Variants in ATP6V1B2 observed in about 807,000 individuals in gnomAD.
ATP6V1B2 encodes the protein V-type proton ATPase subunit B, brain isoform.
ATP6V1B2 carries 23 observed loss-of-function variants against 66.7 expected under a neutral mutation model. That is an observed-to-expected ratio of 0.34 (90% CI 0.25 to 0.49). The LOEUF (loss-of-function observed/expected upper bound fraction) is 0.49, where lower values mean the gene tolerates loss of function less well. Among genes scored for constraint, ATP6V1B2 ranks in the 20% least tolerant of loss-of-function variants. The probability of loss-of-function intolerance (pLI) is 0.99; values close to 1 mark genes in which losing one functional copy is unlikely to be tolerated. For missense variants in ATP6V1B2, 478 were observed against 650.8 expected, an observed-to-expected ratio of 0.73 and a Z score of 2.89; for synonymous variants, 278 against 236.7, an observed-to-expected ratio of 1.17 and a Z score of -1.60.
chr8:20,221,018 C>T lies in ATP6V1B2; in HGVS notation c.*616C>T, dbSNP rs749336842. On this transcript the variant is annotated 3_prime_UTR_variant, in exon 14 of 14. Transcript: ENST00000276390. ...ATTGGGATTCCTGTGTCTTACAGCT[C>T]TCCCTCTCCAAATAATACACAGAAT... 1 of 152,092 alleles carries T rather than the reference C, an allele frequency of 6.6e-6. No individual in the cohort carries two copies. Among genetic ancestry groups the T allele is most frequent in the Non-Finnish European group, 1.5e-5 (1 of 68,040 alleles). 9.4% of individuals were successfully genotyped at this position (152,092 alleles called of 1,614,324 possible).
At chr8:20,204,126 T>C in intron 1 of ATP6V1B2, 1 of 408,198 alleles carries the variant, frequency 2.4e-6, no homozygotes, top group South Asian at 1.9e-5. Flanking sequence ...CCACAAACCC[T>C]GTGCAGGCCA....
intron 1 of ATP6V1B2, among the ~76,000 whole-genome samples, chr8:20,203,547 C>CA (rs2072707582): frequency 6.6e-6 from 1 of 151,976 alleles, no homozygotes; most frequent in Non-Finnish European, 1.5e-5. Context: ...TAGACAGCTT[C>CA]ATGTTAATTA....
At position 20,197,659 on chromosome 8, in the gene ATP6V1B2, C is replaced by G. The variant is rs562965593; in HGVS notation, c.136+117C>G. 4.9e-6 allele frequency: 6 copies of G among 1,216,962 alleles called. No individual in the cohort carries two copies. In the African/African-American group the frequency reaches 6.3e-5, roughly 13 times the overall value. 75.4% of individuals were successfully genotyped at this position (1,216,962 alleles called of 1,614,324 possible). On this transcript the variant is annotated intron_variant, in intron 1 of 13. Transcript: ENST00000276390. ...GGATTTGTTTTTCCCTCCCGCGTCT[C>G]CCCTCCGACCCTGACCCACTTGTCT...
chr8:20,203,955 G>A (rs745443024), intron 1 of ATP6V1B2: 1 of 454,742 alleles, frequency 2.2e-6, no homozygotes, highest in South Asian at 1.6e-5. Context: ...TTTTTACCTT[G>A]CAGGCTATAC....
intron 1 of ATP6V1B2, among the ~76,000 whole-genome samples, chr8:20,197,941 C>G (rs1334689339): frequency 2.0e-5 from 3 of 152,224 alleles, no homozygotes; most frequent in Admixed American, 1.3e-4. Flanking sequence ...CTTCTCCCCT[C>G]CCCCTGGTGA....
chr8:20,207,814 G>C (rs1563807442), intron 2 of ATP6V1B2, among the ~76,000 whole-genome samples: 1 of 151,714 alleles, frequency 6.6e-6, no homozygotes, highest in Non-Finnish European at 1.5e-5. Flanking sequence ...ATTTGTACAA[G>C]GATTAATATA....
At chr8:20,217,825 G>T (rs1051831851) in intron 12 of ATP6V1B2, among the ~76,000 whole-genome samples, 5 of 151,988 alleles carry the variant, frequency 3.3e-5, no homozygotes, top group Non-Finnish European at 7.4e-5. Flanking sequence ...GATTTTTTTT[G>T]AATAGAACTT....
intron 2 of ATP6V1B2, among the ~76,000 whole-genome samples, chr8:20,205,828 T>C (rs2072733356): frequency 6.6e-6 from 1 of 152,208 alleles, no homozygotes; most frequent in Non-Finnish European, 1.5e-5. Context: ...TTCTCACTTA[T>C]AAACACAGAT....
chr8:20,212,387 A>G (rs1014448978), intron 8 of ATP6V1B2, among the ~76,000 whole-genome samples, 188 bp downstream of exon 8: 33 of 152,366 alleles, frequency 2.2e-4, no homozygotes, highest in African/African-American at 7.7e-4. Context: ...TCTGAAGCTC[A>G]TAAGATGTGA....
At chr8:20,202,015 C>T (rs2072692740) in intron 1 of ATP6V1B2, among the ~76,000 whole-genome samples, 1 of 152,164 alleles carries the variant, frequency 6.6e-6, no homozygotes. Flanking sequence ...ATGGATTCAT[C>T]CATTCATAAG....
intron 6 of ATP6V1B2, 126 bp downstream of exon 6, chr8:20,211,442 C>A: frequency 7.3e-7 from 1 of 1,372,620 alleles, no homozygotes; most frequent in South Asian, 1.5e-5. Context: ...TTGTATAATC[C>A]AGTTACCTCA....
chr8:20,217,181 A>G (rs1327897296), intron 11 of ATP6V1B2, 39 bp from the exon 12 acceptor site: 11 of 1,511,024 alleles, frequency 7.3e-6, no homozygotes, highest in Admixed American at 1.7e-5. Context: ...TGAGTTTTGT[A>G]CTTAAATATA....
intron 1 of ATP6V1B2, among the ~76,000 whole-genome samples, chr8:20,203,482 C>T (rs1318189196): frequency 6.6e-6 from 1 of 152,208 alleles, no homozygotes; most frequent in African/African-American, 2.4e-5. Context: ...AATCTCTGTG[C>T]AAGCTCATTA....
chr8:20,204,359 G>A (rs1031623814), intron 1 of ATP6V1B2, 125 bp from the exon 2 acceptor site: 7 of 756,566 alleles, frequency 9.3e-6, no homozygotes, highest in Admixed American at 8.9e-5. Context: ...AAATTTTGTA[G>A]CTATTTGAGT....
At chr8:20,208,884 A>G (rs1362298820) in intron 2 of ATP6V1B2, among the ~76,000 whole-genome samples, 2 of 151,892 alleles carry the variant, frequency 1.3e-5, no homozygotes, top group African/African-American at 4.8e-5. Context: ...TTTTATTTTT[A>G]AAAAATTAAA....
At chr8:20,209,321 G>A in intron 2 of ATP6V1B2, 112 bp from the exon 3 acceptor site, 1 of 1,038,792 alleles carries the variant, frequency 9.6e-7, no homozygotes, top group Non-Finnish European at 1.4e-6. Flanking sequence ...CTGTGTCTGT[G>A]AAGAGTAGAG....
At chr8:20,200,832 C>T (rs2072678352) in intron 1 of ATP6V1B2, among the ~76,000 whole-genome samples, 1 of 152,226 alleles carries the variant, frequency 6.6e-6, no homozygotes, top group South Asian at 2.1e-4. Flanking sequence ...CAGGTGCTCA[C>T]TGCTCATCAT....
At chr8:20,219,046 T>A (rs1162837724) in intron 13 of ATP6V1B2, among the ~76,000 whole-genome samples, 1 of 152,274 alleles carries the variant, frequency 6.6e-6, no homozygotes, top group Non-Finnish European at 1.5e-5. Flanking sequence ...TAATTTGTGT[T>A]GTTTTCTTTT....
At position 20,211,284 on chromosome 8, in the gene ATP6V1B2, A is replaced by G. The variant is rs764333561; in HGVS notation, c.571A>G (p.Ile191Val). The change falls in exon 6 of 14, where the codon ATC becomes GTC. Residue 191 changes from isoleucine to valine, a missense_variant. Coordinates refer to ENST00000276390, the MANE Select transcript of ATP6V1B2 (RefSeq NM_001693.4). ...NSIARGQKIP[I>V]FSAAGLPHNE... is the part of the protein sequence containing the mutation. ...TATTGCTAGGGGGCAGAAAATTCCT[A>G]TCTTCTCTGCTGCTGGGCTACCACA... 9.3e-6 allele frequency: 15 copies of G among 1,613,364 alleles called. No individual in the cohort carries two copies. The highest frequency in any genetic ancestry group is 1.1e-5 in the Non-Finnish European group (13 of 1,179,776).
Sources: gnomAD v4.1 joint callset for allele counts (sites outside exome capture counted in the v4.1 genomes callset) on GRCh38, gnomAD v4.1.1 for gene constraint, MANE v1.5 for transcripts, NCBI Gene and HGNC (gene_info 2026-07-23, HGNC 2026-07-21) for gene names.